ADGRG3: variants seen among roughly 807,000 people sequenced by gnomAD.
The protein encoded by ADGRG3 is G protein-coupled receptor 97.
A neutral mutation model predicts 54.3 loss-of-function variants in ADGRG3; 39 were observed. The observed-to-expected ratio is 0.72, with a 90% CI of 0.56 to 0.94. ADGRG3 has a LOEUF of 0.94. Ranked by LOEUF, ADGRG3 falls within the 40% of genes least tolerant of loss-of-function variation. The pLI, the probability that ADGRG3 is intolerant of heterozygous loss-of-function variation, is 0.00. For synonymous variants in ADGRG3, 312 were observed against 290.0 expected, an observed-to-expected ratio of 1.08 and a Z score of -0.77; for missense variants, 654 against 694.6, an observed-to-expected ratio of 0.94 and a Z score of 0.66.
At chr16:57,670,759 A>C (rs1180561944) in intron 1 of ADGRG3, among the ~76,000 whole-genome samples, 1 of 152,170 alleles carries the variant, frequency 6.6e-6, no homozygotes, top group Non-Finnish European at 1.5e-5. Context: ...TCCCCTCTAA[A>C]ATGTTATTTT....
At chr16:57,683,752 G>A (rs2048418692) in intron 8 of ADGRG3, among the ~76,000 whole-genome samples, 180 bp from the exon 9 acceptor site, 1 of 152,212 alleles carries the variant, frequency 6.6e-6, no homozygotes, top group Non-Finnish European at 1.5e-5. Flanking sequence ...GAGGCTCCTG[G>A]ACTTGAACCT....
chr16:57,676,668 T>C (rs1239602353), intron 3 of ADGRG3, among the ~76,000 whole-genome samples: 1 of 152,228 alleles, frequency 6.6e-6, no homozygotes. Flanking sequence ...GAGCCTCGGT[T>C]TCTCTGTCTA....
Position 57,684,405 on chromosome 16 carries a change from T to C in ADGRG3, c.1178T>C (p.Met393Thr). The change falls in exon 10 of 12, where the codon ATG becomes ACG. Residue 393 changes from methionine to threonine, a missense_variant. By Grantham distance (81) the Met-to-Thr change is moderately conservative (BLOSUM62 -1). Transcript: ENST00000333493. ...TTGTGCCCAGGCCTGCCCGCCCTGATGGTCATCGGCACTGGGAGTGCCAAC... is the reference window on the plus strand; with the variant it reads ...TTGTGCCCAGGCCTGCCCGCCCTGACGGTCATCGGCACTGGGAGTGCCAAC... Reference protein sequence around the residue: ...SLVGWGLPALMVIGTGSANSY... With the variant: ...SLVGWGLPALTVIGTGSANSY... The C allele has an allele frequency of 1.2e-6, 2 of 1,613,722 alleles. No individual in the cohort carries two copies. Among genetic ancestry groups the C allele is most frequent in the East Asian group, 2.2e-5 (1 of 44,840 alleles).
At chr16:57,673,509 C>T (rs376153747) in intron 2 of ADGRG3, 41 bp downstream of exon 2, 5 of 1,572,196 alleles carry the variant, frequency 3.2e-6, no homozygotes, top group Non-Finnish European at 3.5e-6. Flanking sequence ...TCTGAAGCTG[C>T]TGGGAGGAGG....
In ADGRG3 at chr16:57,677,922, C is replaced by A. The variant is rs116115950; in HGVS notation, c.346-248C>A. Among the ~76,000 whole-genome samples the A allele has an allele frequency of 7.4e-3, 1,124 of 152,298 alleles. 15 individuals carry two copies. Among genetic ancestry groups the A allele is most frequent in the African/African-American group, 0.026 (1,082 of 41,566 alleles). On this transcript the variant is annotated intron_variant, in intron 3 of 11. Transcript: ENST00000333493. Reference sequence around the variant, plus strand: ...CCCAGGCATCAGGTGCCCAGACAGGCACAAGCTTAGCTCTACTCTCTGTAT... The same window carrying A: ...CCCAGGCATCAGGTGCCCAGACAGGAACAAGCTTAGCTCTACTCTCTGTAT...
chr16:57,671,492 C>T (rs746632814), intron 1 of ADGRG3, among the ~76,000 whole-genome samples: 1 of 152,002 alleles, frequency 6.6e-6, no homozygotes, highest in Non-Finnish European at 1.5e-5. Context: ...AGGCACCCAC[C>T]ACCACGTCCG....
At chr16:57,673,683 C>T (rs1383639117) in intron 2 of ADGRG3, among the ~76,000 whole-genome samples, 1 of 152,186 alleles carries the variant, frequency 6.6e-6, no homozygotes, top group African/African-American at 2.4e-5. Flanking sequence ...GAATCCACTC[C>T]TATCCTGGCC....
chr16:57,678,025 C>A, intron 3 of ADGRG3, 145 bp from the exon 4 acceptor site: 1 of 908,466 alleles, frequency 1.1e-6, no homozygotes, highest in Non-Finnish European at 1.7e-6. Context: ...TTGCACTGTG[C>A]CCCAGGTGTC....
At position 57,672,794 on chromosome 16, in the gene ADGRG3, G is replaced by A. The variant is rs2048185748; in HGVS notation, c.59-527G>A. On this transcript the variant is annotated intron_variant, in intron 1 of 11. Transcript: ENST00000333493. ...CTGTATTTTCTACCTGTCCCAGGAGGTAGCTGTGATGGTTGTGTGTGCTTC... is the reference window on the plus strand; with the variant it reads ...CTGTATTTTCTACCTGTCCCAGGAGATAGCTGTGATGGTTGTGTGTGCTTC... 1.3e-5 allele frequency among the ~76,000 whole-genome samples: 2 copies of A among 152,230 alleles called. 1 individual carries two copies. Among genetic ancestry groups the A allele is most frequent in the Non-Finnish European group, 2.9e-5 (2 of 68,032 alleles).
At chr16:57,679,705 C>A in intron 5 of ADGRG3, 111 bp from the exon 6 acceptor site, 1 of 864,298 alleles carries the variant, frequency 1.2e-6, no homozygotes, top group East Asian at 2.4e-5. Flanking sequence ...TTGCTTTCTA[C>A]CTAATGCACA....
In ADGRG3 at chr16:57,684,181, C is replaced by T; in HGVS notation, c.1131C>T (p.His377=). 6.2e-7 allele frequency: 1 copy of T among 1,613,746 alleles called. No homozygotes were observed. Among genetic ancestry groups the T allele is most frequent in the Non-Finnish European group, 8.5e-7 (1 of 1,179,796 alleles). Residue 377 remains histidine, a synonymous_variant, in exon 9 of 12, where the codon CAC becomes CAT. Transcript: ENST00000333493. ...AVRVFNTYFG[H]YFLKLSLVGW... Reference sequence around the variant, plus strand: ...GGGTCTTCAACACCTACTTCGGGCACTACTTCCTGAAGCTGAGCCTGGTGG... The same window carrying T: ...GGGTCTTCAACACCTACTTCGGGCATTACTTCCTGAAGCTGAGCCTGGTGG...
intron 1 of ADGRG3, 27 bp downstream of exon 1, chr16:57,668,432 C>T: frequency 6.5e-7 from 1 of 1,549,220 alleles, no homozygotes; most frequent in East Asian, 2.3e-5. Flanking sequence ...TCATCCCCTC[C>T]TGCCACGCTG....
At chr16:57,685,997 AG>A (rs1255674868) in intron 11 of ADGRG3, 71 bp downstream of exon 11, 1 of 1,507,138 alleles carries the variant, frequency 6.6e-7, no homozygotes, top group Non-Finnish European at 9.1e-7. Flanking sequence ...GGTGGGGAAG[AG>A]GGTGGTTTGC....
intron 2 of ADGRG3, among the ~76,000 whole-genome samples, chr16:57,675,212 G>C (rs368288722): frequency 2.0e-5 from 3 of 151,564 alleles, no homozygotes; most frequent in East Asian, 1.9e-4. Flanking sequence ...ACTGTGGCTC[G>C]TGCCCAAAGT....
intron 1 of ADGRG3, among the ~76,000 whole-genome samples, chr16:57,670,642 C>A (rs1442846767): frequency 6.6e-6 from 1 of 152,070 alleles, no homozygotes; most frequent in African/African-American, 2.4e-5. Context: ...TTTTCATTTC[C>A]CATTAAACAA....
chr16:57,675,045 C>T (rs545485137), intron 2 of ADGRG3, among the ~76,000 whole-genome samples: 17 of 143,876 alleles, frequency 1.2e-4, no homozygotes, highest in Middle Eastern at 7.8e-3. Flanking sequence ...GCATCTTGTA[C>T]GTGAATATTT....
chr16:57,677,734 C>T (rs923208741), intron 3 of ADGRG3, among the ~76,000 whole-genome samples: 3 of 152,204 alleles, frequency 2.0e-5, no homozygotes, highest in African/African-American at 7.2e-5. Flanking sequence ...CTTGTTCTCT[C>T]GCTTCCTGAA....
At chr16:57,684,508 G>A (rs777463825) in intron 10 of ADGRG3, 25 bp downstream of exon 10, 5 of 1,527,290 alleles carry the variant, frequency 3.3e-6, no homozygotes, top group East Asian at 4.5e-5. Flanking sequence ...TGGGAGCAGG[G>A]GTGATGCCAG....
chr16:57,669,339 A>C (rs1159884018), intron 1 of ADGRG3, among the ~76,000 whole-genome samples: 1 of 152,174 alleles, frequency 6.6e-6, no homozygotes, highest in South Asian at 2.1e-4. Flanking sequence ...AGTGGAGTGA[A>C]TCAGTCCCTG....
Sources: gnomAD v4.1 joint callset for allele counts (sites outside exome capture counted in the v4.1 genomes callset) on GRCh38, gnomAD v4.1.1 for gene constraint, MANE v1.5 for transcripts, NCBI Gene and HGNC (gene_info 2026-07-23, HGNC 2026-07-21) for gene names.